FTCDNL1: variants seen among roughly 807,000 people sequenced by gnomAD.
FTCDNL1 encodes formiminotransferase cyclodeaminase N-terminal like.
A neutral mutation model predicts 5.9 loss-of-function variants in FTCDNL1; 11 were observed. That is an observed-to-expected ratio of 1.87 (90% CI 1.18 to 3.10). The LOEUF is 3.10. FTCDNL1 is among the 30% of genes most tolerant of loss of function. The probability of loss-of-function intolerance (pLI) is 0.00; values close to 1 mark genes in which losing one functional copy is unlikely to be tolerated. For synonymous variants in FTCDNL1, 58 were observed against 24.8 expected, an observed-to-expected ratio of 2.34 and a Z score of -3.99; for missense variants, 115 against 65.5, an observed-to-expected ratio of 1.76 and a Z score of -2.61.
At chr2:199,708,573 T>A in the FTCDNL1 span, among the ~76,000 whole-genome samples, 1 of 152,166 alleles carries the variant, frequency 6.6e-6, no homozygotes, top group Admixed American at 6.5e-5. Context: ...AGCAAATTAT[T>A]TCAAGGTTTG....
At chr2:199,835,429 A>G (rs1471058031) in intron 3 of FTCDNL1, among the ~76,000 whole-genome samples, 2 of 152,206 alleles carry the variant, frequency 1.3e-5, no homozygotes, top group Non-Finnish European at 2.9e-5. Context: ...TGCTATAATT[A>G]TTGTAATATC....
chr2:199,780,207 T>G (rs114729490), intron 3 of FTCDNL1, among the ~76,000 whole-genome samples: 1 of 152,178 alleles, frequency 6.6e-6, no homozygotes, highest in Non-Finnish European at 1.5e-5. Context: ...GGAGCCCGGA[T>G]GGCCCACCTC....
intron 3 of FTCDNL1, among the ~76,000 whole-genome samples, chr2:199,765,556 A>ATATATATATTTTTTTGTTTTTTT: frequency 2.3e-5 from 1 of 42,656 alleles, no homozygotes; most frequent in Non-Finnish European, 4.8e-5. Context: ...ATATATATAT[A>ATATATATATTTTTTTGTTTTTTT]TTTTTTTTTT....
rs546151537 is a variant in FTCDNL1, at chr2:199,809,936, C to T, written c.*2769G>A. Among the ~76,000 whole-genome samples the T allele has an allele frequency of 1.3e-5, 2 of 150,066 alleles. No individual in the cohort carries two copies. The highest frequency in any genetic ancestry group is 4.2e-4 in the South Asian group (2 of 4,736). On this transcript the variant is annotated 3_prime_UTR_variant, in exon 5 of 5. Coordinates refer to ENST00000420128, the MANE Select transcript of FTCDNL1 (RefSeq NM_001363886.2). ...TTTGGTAACCCTCCCATTTTTTAGTCACTTAGTATCTGATTTTATTTTGCT... is the reference window on the plus strand; with the variant it reads ...TTTGGTAACCCTCCCATTTTTTAGTTACTTAGTATCTGATTTTATTTTGCT...
At chr2:199,731,071 T>C in the FTCDNL1 span, among the ~76,000 whole-genome samples, 1 of 152,208 alleles carries the variant, frequency 6.6e-6, no homozygotes, top group Non-Finnish European at 1.5e-5. Context: ...GATACTATCA[T>C]TCTCAGCAAA....
intron 4 of FTCDNL1, among the ~76,000 whole-genome samples, chr2:199,813,557 T>C (rs2106464397): frequency 6.6e-6 from 1 of 152,274 alleles, no homozygotes; most frequent in African/African-American, 2.4e-5. Context: ...TTCAAATTTG[T>C]GGACTGCATT....
intron 3 of FTCDNL1, among the ~76,000 whole-genome samples, chr2:199,825,694 C>G (rs1701988163): frequency 6.6e-6 from 1 of 152,154 alleles, no homozygotes; most frequent in Admixed American, 6.6e-5. Context: ...TGCCTTACAG[C>G]TATGAGTAAG....
chr2:199,684,724 T>G, the FTCDNL1 span, among the ~76,000 whole-genome samples: 2 of 152,208 alleles, frequency 1.3e-5, no homozygotes, highest in South Asian at 2.1e-4. Flanking sequence ...GAGGGGAGTG[T>G]GTTACGGAAG....
At chr2:199,804,605 C>A (rs935996612), downstream of FTCDNL1, among the ~76,000 whole-genome samples, 5 of 152,014 alleles carry the variant, frequency 3.3e-5, no homozygotes, top group Non-Finnish European at 7.4e-5. Context: ...AAGGAAACTG[C>A]GAATTTGACA....
chr2:199,673,832 C>T, the FTCDNL1 span, among the ~76,000 whole-genome samples: 4 of 151,922 alleles, frequency 2.6e-5, no homozygotes, highest in African/African-American at 9.7e-5. Flanking sequence ...GAAAGTATTC[C>T]TTAATATAGT....
At chr2:199,685,851 G>T in the FTCDNL1 span, among the ~76,000 whole-genome samples, 1 of 152,168 alleles carries the variant, frequency 6.6e-6, no homozygotes, top group Non-Finnish European at 1.5e-5. Context: ...CTACATGAGA[G>T]ATCAAACCAA....
chr2:199,844,494 C>T (rs1409756391), intron 3 of FTCDNL1: 1 of 662,536 alleles, frequency 1.5e-6, no homozygotes, highest in Non-Finnish European at 2.8e-6. Flanking sequence ...ATATCGATAG[C>T]CTGGAAGGCC....
At chr2:199,765,556 A>ATATATTTTTTTTTTTTTTTTTTTTT in intron 3 of FTCDNL1, among the ~76,000 whole-genome samples, 3 of 42,664 alleles carry the variant, frequency 7.0e-5, no homozygotes, top group Non-Finnish European at 1.4e-4. Flanking sequence ...ATATATATAT[A>ATATATTTTTTTTTTTTTTTTTTTTT]TTTTTTTTTT....
chr2:199,850,918 C>G lies in FTCDNL1; in HGVS notation c.-186G>C, dbSNP rs2076860816. 6.6e-6 allele frequency: 1 copy of G among 152,142 alleles called. No individual in the cohort carries two copies. The highest frequency in any genetic ancestry group is 1.5e-5 in the Non-Finnish European group (1 of 68,046). 9.4% of individuals were successfully genotyped at this position (152,142 alleles called of 1,614,324 possible). Reference sequence around the variant, plus strand: ...CTGAAAGGGAACCCGAAGTGACTCCCGGCCTCCCCACAGGTCTCGCGGGAC... The same window carrying G: ...CTGAAAGGGAACCCGAAGTGACTCCGGGCCTCCCCACAGGTCTCGCGGGAC... On this transcript the variant is annotated 5_prime_UTR_variant, in exon 1 of 5. Transcript: ENST00000420128.
At chr2:199,704,544 G>A in the FTCDNL1 span, among the ~76,000 whole-genome samples, 3 of 152,150 alleles carry the variant, frequency 2.0e-5, no homozygotes, top group East Asian at 3.9e-4. Context: ...AGTGAAATGA[G>A]AAGAGACTTG....
chr2:199,784,938 C>T (rs939655203), intron 3 of FTCDNL1, among the ~76,000 whole-genome samples: 2 of 152,182 alleles, frequency 1.3e-5, no homozygotes, highest in African/African-American at 4.8e-5. Flanking sequence ...ACACAGAACA[C>T]ATGCCCAGTT....
At chr2:199,823,274 A>G (rs1701808519) in intron 3 of FTCDNL1, among the ~76,000 whole-genome samples, 1 of 151,858 alleles carries the variant, frequency 6.6e-6, no homozygotes, top group South Asian at 2.1e-4. Flanking sequence ...TCTTAAAGTC[A>G]CCCATGAGGG....
chr2:199,674,031 G>A, the FTCDNL1 span, among the ~76,000 whole-genome samples: 24 of 152,202 alleles, frequency 1.6e-4, no homozygotes, highest in African/African-American at 4.8e-4. Context: ...TAATAGAAAC[G>A]GCTCTTACAT....
chr2:199,744,443 CACAGAGAG>C, the FTCDNL1 span, among the ~76,000 whole-genome samples: 3 of 149,210 alleles, frequency 2.0e-5, no homozygotes, highest in East Asian at 3.9e-4. Flanking sequence ...CACACACACA[CACAGAGAG>C]AGAGAGAGAG....
Sources: allele counts gnomAD v4.1 joint callset (sites outside exome capture counted in the v4.1 genomes callset), GRCh38; gene constraint gnomAD v4.1.1; transcripts MANE v1.5; gene names NCBI Gene and HGNC (gene_info 2026-07-23, HGNC 2026-07-21).